Variants in SH3BP4 observed in about 807,000 individuals in gnomAD.
SH3BP4 encodes the protein SH3 domain binding protein 4.
Under a neutral mutation model 65.5 loss-of-function variants are expected in SH3BP4, and 33 were observed. The ratio of observed to expected loss-of-function variants is 0.50; its 90% CI spans 0.38 to 0.67. The LOEUF is 0.67. SH3BP4 is among the 30% of genes least tolerant of loss of function. The pLI is 0.00. For missense variants in SH3BP4, 1,134 were observed against 1,261.4 expected (o/e 0.90, Z 1.53); for synonymous variants, 552 against 545.5 (o/e 1.01, Z -0.17).
intron 1 of SH3BP4, among the ~76,000 whole-genome samples, chr2:234,958,918 G>T (rs1692646691): frequency 6.6e-6 from 1 of 152,118 alleles, no homozygotes; most frequent in Admixed American, 6.5e-5. Flanking sequence ...AGGGAGCCAG[G>T]GTTGGGTCAG....
intron 1 of SH3BP4, among the ~76,000 whole-genome samples, chr2:234,986,891 GC>G (rs2106263987): frequency 6.6e-6 from 1 of 151,594 alleles, no homozygotes; most frequent in East Asian, 1.9e-4. Context: ...TGCAACCTCA[GC>G]CCCCCAAGTA....
At chr2:234,970,739 G>T (rs1429564138) in intron 1 of SH3BP4, among the ~76,000 whole-genome samples, 1 of 152,164 alleles carries the variant, frequency 6.6e-6, no homozygotes, top group African/African-American at 2.4e-5. Context: ...AGGTTTCCAT[G>T]TCTGTATTCC....
intron 2 of SH3BP4, among the ~76,000 whole-genome samples, chr2:235,022,747 T>G (rs1694882969): frequency 6.6e-6 from 1 of 152,164 alleles, no homozygotes; most frequent in Non-Finnish European, 1.5e-5. Context: ...TTGGCAACCC[T>G]TCCTACTCTA....
chr2:234,982,923 A>G (rs995949398), intron 1 of SH3BP4, among the ~76,000 whole-genome samples: 3 of 152,132 alleles, frequency 2.0e-5, no homozygotes, highest in Admixed American at 1.3e-4. Context: ...TACAATGATG[A>G]TGAGGCAGTG....
In SH3BP4 at chr2:235,055,359, A is replaced by G. The variant is rs1380876541; in HGVS notation, c.*1543A>G. ...CTACTTATTCAGATACTGAAGACCA[A>G]CGGACTGAAAAAAAGAACAAACATT... On this transcript the variant is annotated 3_prime_UTR_variant, in exon 6 of 6. Transcript: ENST00000392011. 2.0e-5 allele frequency: 3 copies of G among 152,612 alleles called. No individual in the cohort carries two copies. The highest frequency in any genetic ancestry group is 4.4e-5 in the Non-Finnish European group (3 of 68,040). The allele number at this position is 152,612 out of a possible 1,614,324, so 9.5% of individuals were successfully genotyped here.
rs1018411718 is a variant in SH3BP4 at position 235,034,109 on chromosome 2, C to T, written c.-132-762C>T. 6.6e-6 allele frequency among the ~76,000 whole-genome samples: 1 copy of T among 152,028 alleles called. No homozygotes were observed. Among genetic ancestry groups the T allele is most frequent in the Non-Finnish European group, 1.5e-5 (1 of 68,012 alleles). ...GAAGGGCCTGCTCAGAGCCAGTCAC[C>T]TCATTCATATCCAGAACCCCCCACA... On this transcript the variant is annotated intron_variant, in intron 2 of 5. Transcript: ENST00000392011. This position sits in a 1 kb window ranked among gnomAD's most constrained non-coding sequence, Gnocchi z 6.2.
intron 2 of SH3BP4, among the ~76,000 whole-genome samples, chr2:235,001,954 G>A (rs777942950): frequency 5.9e-5 from 9 of 152,274 alleles, no homozygotes; most frequent in Middle Eastern, 3.4e-3. Context: ...TCCGCCTCCC[G>A]GGTTCAAGTG....
At chr2:234,957,250 C>T (rs1475293913) in intron 1 of SH3BP4, among the ~76,000 whole-genome samples, 1 of 152,186 alleles carries the variant, frequency 6.6e-6, no homozygotes, top group South Asian at 2.1e-4. Context: ...AACTCCTGAC[C>T]TCAGGTGAAC....
intron 2 of SH3BP4, among the ~76,000 whole-genome samples, chr2:235,010,060 C>G (rs890124795): frequency 6.6e-6 from 1 of 150,454 alleles, no homozygotes; most frequent in Non-Finnish European, 1.5e-5. Flanking sequence ...TACCCTTCGT[C>G]CCATCCCCGG....
intron 2 of SH3BP4, among the ~76,000 whole-genome samples, chr2:235,031,434 T>C (rs951205558): frequency 6.6e-6 from 1 of 152,196 alleles, no homozygotes; most frequent in African/African-American, 2.4e-5. Flanking sequence ...AGGCCATATG[T>C]CAGTAGTTTT....
At chr2:235,043,375 C>T (rs375142083) in intron 4 of SH3BP4, 128 bp downstream of exon 4, 60,010 of 596,772 alleles carry the variant, frequency 0.1, 5,307 homozygotes, top group East Asian at 0.32. Flanking sequence ...GCTGATGTCC[C>T]GCTGCCTGAG....
At chr2:234,979,615 C>T (rs1387376125) in intron 1 of SH3BP4, 1 of 152,282 alleles carries the variant, frequency 6.6e-6, no homozygotes, top group Non-Finnish European at 1.5e-5. Context: ...GTGCCTTCCT[C>T]CCGTGATTAC....
At chr2:235,012,245 C>T (rs1430791476) in intron 2 of SH3BP4, among the ~76,000 whole-genome samples, 1 of 152,176 alleles carries the variant, frequency 6.6e-6, no homozygotes, top group Admixed American at 6.5e-5. Flanking sequence ...CAGACCATCC[C>T]TGGGGTCCCT....
In SH3BP4 at chr2:235,036,481, C is replaced by A. The variant is rs183003203; in HGVS notation, c.118+1361C>A. Among the ~76,000 whole-genome samples the A allele has an allele frequency of 5.5e-3, 832 of 152,158 alleles. 33 individuals are homozygous for A. The highest frequency in any genetic ancestry group is 0.051 in the Admixed American group (776 of 15,278). ...TTTTTAAAAATGTCAGTGGGCTGGG[C>A]GCGGTGGCTCACGCCTGTAATCCCA... On this transcript the variant is annotated intron_variant, in intron 3 of 5. Coordinates refer to ENST00000392011, the MANE Select transcript of SH3BP4 (RefSeq NM_014521.3).
Position 235,041,107 on chromosome 2 carries a change from A to T in SH3BP4, c.338A>T (p.Asn113Ile). The T allele has an allele frequency of 6.2e-7, 1 of 1,614,168 alleles. No homozygotes were observed. ...CCCTCCTCCTATGTGCAGCCCTTGAACTACCGGAACTCAACACTGAGTGAC... is the reference window on the plus strand; with the variant it reads ...CCCTCCTCCTATGTGCAGCCCTTGATCTACCGGAACTCAACACTGAGTGAC... Reference protein sequence around the residue: ...YIPSSYVQPLNYRNSTLSDSG... With the variant: ...YIPSSYVQPLIYRNSTLSDSG... The change falls in exon 4 of 6, where the codon AAC (asparagine) becomes ATC (isoleucine). Residue 113 changes from asparagine (N) to isoleucine (I), a missense_variant. By Grantham distance (149) the Asn-to-Ile change is moderately radical. Transcript: ENST00000392011. The surrounding 1 kb of genome is among the most constrained non-coding windows in gnomAD (Gnocchi z 6.0).
In SH3BP4 at chr2:234,978,415, C is replaced by T. The variant is rs1693239158; in HGVS notation, c.-206-16888C>T. ...AATGCAGGGTCCTCCTCACTGCAGT[C>T]ACTGCGGGACCAGGTACTCTTTTCC... On this transcript the variant is annotated intron_variant, in intron 1 of 5. Transcript: ENST00000392011. This position sits in a 1 kb window ranked among gnomAD's most constrained non-coding sequence, Gnocchi z 4.1. Among the ~76,000 whole-genome samples, 1 of 152,202 alleles carries T rather than the reference C, an allele frequency of 6.6e-6. No individual in the cohort carries two copies. Among genetic ancestry groups the T allele is most frequent in the Non-Finnish European group, 1.5e-5 (1 of 68,050 alleles).
chr2:235,018,483 C>T (rs1694755855), intron 2 of SH3BP4, among the ~76,000 whole-genome samples: 1 of 152,156 alleles, frequency 6.6e-6, no homozygotes, highest in African/African-American at 2.4e-5. Flanking sequence ...ATGCTTCTGG[C>T]ATAAGCTTGC....
In SH3BP4 at chr2:235,026,114, G is replaced by A. The variant is rs200566087; in HGVS notation, c.-132-8757G>A. Among the ~76,000 whole-genome samples the A allele has an allele frequency of 2.2e-4, 34 of 152,184 alleles. 2 individuals are homozygous for A. In the East Asian group the frequency reaches 5.0e-3, roughly 23 times the overall value. On this transcript the variant is annotated intron_variant, in intron 2 of 5. Transcript: ENST00000392011. This position sits in a 1 kb window ranked among gnomAD's most constrained non-coding sequence, Gnocchi z 4.6. ...CAACCCTACAGAGGGGATGGGGGAGGGATGGGGCCAGGAATAGAGGAAGCA... is the reference window on the plus strand; with the variant it reads ...CAACCCTACAGAGGGGATGGGGGAGAGATGGGGCCAGGAATAGAGGAAGCA...
intron 1 of SH3BP4, among the ~76,000 whole-genome samples, chr2:234,967,000 T>C (rs1332904358): frequency 1.3e-5 from 2 of 152,214 alleles, no homozygotes; most frequent in Non-Finnish European, 2.9e-5. Context: ...ATTGTGCTTA[T>C]AGTAATAATA....
Sources: gnomAD v4.1 joint callset for allele counts (sites outside exome capture counted in the v4.1 genomes callset) on GRCh38, gnomAD v4.1.1 for gene constraint, Gnocchi (gnomAD v3.1) non-coding constraint, MANE v1.5 for transcripts, NCBI Gene and HGNC (gene_info 2026-07-23, HGNC 2026-07-21) for gene names.